Variants in RNLS observed in about 807,000 individuals in gnomAD.
RNLS encodes renalase.
In RNLS, 39 loss-of-function variants were observed where a neutral mutation model predicts 39.8. The observed-to-expected ratio is 0.98, with a 90% confidence interval of 0.76 to 1.28. The LOEUF is 1.28. RNLS is among the 50% of genes most tolerant of loss of function. The pLI is 0.00. For missense variants in RNLS, 410 were observed against 413.3 expected, an observed-to-expected ratio of 0.99 and a Z score of 0.07; for synonymous variants, 147 against 150.7, an observed-to-expected ratio of 0.98 and a Z score of 0.18.
rs752706366 is a variant in RNLS at position 88,362,532 on chromosome 10, G to C, written c.700+20C>G. 4 of 1,607,552 alleles carry C rather than the reference G, an allele frequency of 2.5e-6. No individual in the cohort carries two copies. In the African/African-American group the frequency reaches 5.4e-5, roughly 22 times the overall value. ...CCCACCATTGTTGCTGTATTTAAGGGAAATAATAGGGGTACTGACCTATAT... is the reference window on the plus strand; with the variant it reads ...CCCACCATTGTTGCTGTATTTAAGGCAAATAATAGGGGTACTGACCTATAT... On this transcript the variant is annotated intron_variant, in intron 5 of 6. Transcript: ENST00000331772.
chr10:88,462,563 T>A (rs1336477446), intron 4 of RNLS, among the ~76,000 whole-genome samples: 1 of 151,924 alleles, frequency 6.6e-6, no homozygotes, highest in Non-Finnish European at 1.5e-5. Flanking sequence ...AGATAGACAA[T>A]CCAGTTCTCA....
intron 5 of RNLS, among the ~76,000 whole-genome samples, chr10:88,352,413 T>C (rs1212783475): frequency 6.6e-6 from 1 of 152,106 alleles, no homozygotes; most frequent in Non-Finnish European, 1.5e-5. Context: ...GCATGAAGGG[T>C]TGTTGAATTT....
At chr10:88,257,764 T>G in the RNLS span, among the ~76,000 whole-genome samples, 3 of 152,176 alleles carry the variant, frequency 2.0e-5, no homozygotes, top group Admixed American at 1.3e-4. Context: ...TCCTTGGACT[T>G]CAGGACTCAG....
intron 4 of RNLS, among the ~76,000 whole-genome samples, chr10:88,454,285 G>T (rs1020047416): frequency 6.6e-6 from 1 of 152,166 alleles, no homozygotes; most frequent in Non-Finnish European, 1.5e-5. Context: ...TAATTAGGAG[G>T]CCTTGGTGCC....
At chr10:88,357,000 C>G (rs1225617659) in intron 5 of RNLS, among the ~76,000 whole-genome samples, 1 of 152,170 alleles carries the variant, frequency 6.6e-6, no homozygotes, top group Non-Finnish European at 1.5e-5. Context: ...TTAAGTTGCC[C>G]TAACTCCTAT....
At chr10:88,566,877 A>G (rs2064819964) in intron 4 of RNLS, among the ~76,000 whole-genome samples, 2 of 152,178 alleles carry the variant, frequency 1.3e-5, no homozygotes, top group Admixed American at 6.5e-5. Context: ...AACATAGCCC[A>G]TGAAAAATGA....
chr10:88,275,021 A>T (rs762337682), exon 7 of RNLS: 36 of 1,613,032 alleles, frequency 2.2e-5, no homozygotes, highest in Non-Finnish European at 3.1e-5. Flanking sequence ...GAATCACACC[A>T]GCACTTGGTA....
downstream of RNLS, among the ~76,000 whole-genome samples, chr10:88,273,375 T>A (rs1842704385): frequency 6.6e-6 from 1 of 152,226 alleles, no homozygotes; most frequent in African/African-American, 2.4e-5. Flanking sequence ...TGTACACACA[T>A]AAATGCATGT....
intron 4 of RNLS, among the ~76,000 whole-genome samples, chr10:88,534,251 CAT>C (rs1005095129): frequency 2.0e-5 from 3 of 152,050 alleles, no homozygotes; most frequent in Non-Finnish European, 4.4e-5. Flanking sequence ...CATTATGTAA[CAT>C]AGAAGCCCTG....
chr10:88,426,552 G>A (rs1395449977), intron 4 of RNLS, among the ~76,000 whole-genome samples: 1 of 152,024 alleles, frequency 6.6e-6, no homozygotes, highest in African/African-American at 2.4e-5. Flanking sequence ...GAAAAAAGAT[G>A]AAGAAATTTT....
At chr10:88,518,999 T>C (rs1197385848) in intron 4 of RNLS, among the ~76,000 whole-genome samples, 1 of 152,072 alleles carries the variant, frequency 6.6e-6, no homozygotes, top group Non-Finnish European at 1.5e-5. Flanking sequence ...AAACTAATAC[T>C]TTCTCCATCT....
chr10:88,234,776 GGGTAA>G, the RNLS span, among the ~76,000 whole-genome samples: 1 of 152,128 alleles, frequency 6.6e-6, no homozygotes, highest in African/African-American at 2.4e-5. Context: ...ATTGTCAGAG[GGGTAA>G]AAGTCAAAGC....
intron 4 of RNLS, among the ~76,000 whole-genome samples, chr10:88,438,258 T>C (rs537842864): frequency 4.0e-4 from 61 of 152,090 alleles, no homozygotes; most frequent in African/African-American, 1.4e-3. Context: ...GAGGGCAAAA[T>C]TGACACTCTG....
At chr10:88,215,649 C>T in the RNLS span, among the ~76,000 whole-genome samples, 30 of 150,424 alleles carry the variant, frequency 2.0e-4, no homozygotes, top group Admixed American at 2.0e-4. Context: ...ACATTTAGAC[C>T]ATTCATTATC....
At chr10:88,382,260 T>A (rs1271294656) in intron 4 of RNLS, among the ~76,000 whole-genome samples, 3 of 152,130 alleles carry the variant, frequency 2.0e-5, no homozygotes, top group African/African-American at 7.2e-5. Flanking sequence ...CAGTGGAGTG[T>A]AGATGACTGT....
At chr10:88,516,034 A>C (rs1846388068) in intron 4 of RNLS, among the ~76,000 whole-genome samples, 1 of 152,076 alleles carries the variant, frequency 6.6e-6, no homozygotes, top group Non-Finnish European at 1.5e-5. Flanking sequence ...AAGACCTTGT[A>C]AGGACACAGC....
intron 4 of RNLS, among the ~76,000 whole-genome samples, chr10:88,379,657 C>T (rs977334490): frequency 1.3e-5 from 2 of 152,194 alleles, no homozygotes; most frequent in East Asian, 3.8e-4. Flanking sequence ...ACTTTTCTAT[C>T]AAGAGGTAGG....
chr10:88,282,939 G>A (rs866161834), downstream of RNLS, among the ~76,000 whole-genome samples: 5 of 152,080 alleles, frequency 3.3e-5, no homozygotes, highest in East Asian at 7.7e-4. Flanking sequence ...ACTTGAATAC[G>A]CTCCTTTCAA....
chr10:88,191,974 C>G, the RNLS span, among the ~76,000 whole-genome samples: 1 of 151,732 alleles, frequency 6.6e-6, no homozygotes, highest in East Asian at 1.9e-4. Flanking sequence ...GGCTCTTCTT[C>G]TATACCTTTG....
Sources: allele counts gnomAD v4.1 joint callset (sites outside exome capture counted in the v4.1 genomes callset), GRCh38; gene constraint gnomAD v4.1.1; transcripts MANE v1.5; gene names NCBI Gene and HGNC (gene_info 2026-07-23, HGNC 2026-07-21).